The following BABAM2 variants were observed in gnomAD, a reference collection of about 807,000 sequenced individuals.
BABAM2 encodes the protein BRISC and BRCA1-A complex member 2.
A neutral mutation model predicts 54.7 loss-of-function variants in BABAM2; 31 were observed. The observed-to-expected ratio is 0.57, with a 90% confidence interval of 0.43 to 0.77. The LOEUF is 0.77. Ranked by LOEUF, BABAM2 falls within the 30% of genes least tolerant of loss-of-function variation. The pLI, the probability that BABAM2 is intolerant of heterozygous loss-of-function variation, is 0.00. For synonymous variants in BABAM2, 167 were observed against 162.9 expected, an observed-to-expected ratio of 1.03 and a Z score of -0.19; for missense variants, 364 against 455.8, an observed-to-expected ratio of 0.80 and a Z score of 1.83.
chr2:28,235,691 C>T (rs1310135223), intron 7 of BABAM2, among the ~76,000 whole-genome samples: 6 of 151,930 alleles, frequency 3.9e-5, no homozygotes, highest in Admixed American at 3.9e-4. Flanking sequence ...GGGTCTCACT[C>T]TGTCGCCCAG....
At chr2:28,185,780 A>G (rs954762092) in intron 7 of BABAM2, among the ~76,000 whole-genome samples, 1 of 151,906 alleles carries the variant, frequency 6.6e-6, no homozygotes, top group African/African-American at 2.4e-5. Flanking sequence ...AATTAGAGAC[A>G]TTGTTTAATC....
At position 28,161,903 on chromosome 2, in the gene BABAM2, C is replaced by T. The variant is rs1446052893; in HGVS notation, c.680+32523C>T. Among the ~76,000 whole-genome samples, 8 of 152,246 alleles carry T rather than the reference C, an allele frequency of 5.3e-5. No individual in the cohort carries two copies. The East Asian group carries it at 1.5e-3, about 29-fold the overall frequency. ...TTTTATTTAGCACCAGAAATGGACT[C>T]TGATAGATATAGGATGAAACATTTG... On this transcript the variant is annotated intron_variant, in intron 7 of 11. Coordinates refer to ENST00000379624, the MANE Select transcript of BABAM2 (RefSeq NM_199191.3).
In BABAM2 at chr2:28,025,276, G is replaced by A. The variant is rs1266353770; in HGVS notation, c.351G>A (p.Val117=). 2 of 1,609,650 alleles carry A rather than the reference G, an allele frequency of 1.2e-6. No individual in the cohort carries two copies. Among genetic ancestry groups the A allele is most frequent in the South Asian group, 2.2e-5 (2 of 89,740 alleles). ...ATCCTGAATGTCTCTTACTTGTGGT[G>A]AAGGAACTTGTGCAACAATATCACC... is the stretch of plus-strand genomic sequence containing the variant. ...PSNPECLLLV[V]KELVQQYHQF... Residue 117 remains valine (V), a synonymous_variant, in exon 5 of 12, where the codon GTG becomes GTA. Transcript: ENST00000379624.
intron 3 of BABAM2, among the ~76,000 whole-genome samples, chr2:27,968,422 G>A (rs1670976211): frequency 1.3e-5 from 2 of 152,242 alleles, no homozygotes; most frequent in African/African-American, 4.8e-5. Context: ...GTATGGAAAT[G>A]CCTGGATGCC....
At chr2:27,954,743 A>G (rs1340293863) in intron 3 of BABAM2, among the ~76,000 whole-genome samples, 3 of 152,246 alleles carry the variant, frequency 2.0e-5, no homozygotes, top group African/African-American at 7.2e-5. Context: ...TCGAATTAAT[A>G]TTAATGTTAA....
rs548763636 is a variant in BABAM2 at position 27,904,295 on chromosome 2, A to G, written c.128+9611A>G. On this transcript the variant is annotated intron_variant, in intron 2 of 11. Transcript: ENST00000379624. ...GAAATCACAGAAAGCAAAACCATAG[A>G]TAAGGGGGGACTACTATACATCAAA... is the stretch of plus-strand genomic sequence containing the variant. Among the ~76,000 whole-genome samples, 7 of 152,362 alleles carry G rather than the reference A, an allele frequency of 4.6e-5. No individual in the cohort carries two copies. In the South Asian group the frequency reaches 1.0e-3, roughly 23 times the overall value.
At chr2:28,264,839 A>T (rs6707939) in intron 10 of BABAM2, among the ~76,000 whole-genome samples, 94,267 of 152,034 alleles carry the variant, frequency 0.62, 31,530 homozygotes, top group Non-Finnish European at 0.76. Flanking sequence ...TTACCCCAAC[A>T]TCATTCATTG....
At chr2:28,011,970 A>G (rs960798781) in intron 4 of BABAM2, among the ~76,000 whole-genome samples, 3 of 152,190 alleles carry the variant, frequency 2.0e-5, no homozygotes, top group Admixed American at 6.5e-5. Flanking sequence ...AAATCTTTGG[A>G]CGGAATTGGG....
chr2:28,083,835 C>A (rs1339916639), intron 6 of BABAM2, among the ~76,000 whole-genome samples: 3 of 152,042 alleles, frequency 2.0e-5, no homozygotes, highest in Non-Finnish European at 4.4e-5. Context: ...TTGGTCATTT[C>A]GTGATCTGTA....
chr2:27,969,637 G>A (rs1379905052), intron 3 of BABAM2, among the ~76,000 whole-genome samples: 1 of 152,158 alleles, frequency 6.6e-6, no homozygotes, highest in Non-Finnish European at 1.5e-5. Context: ...GAGCTGGATG[G>A]CCACGATTTC....
chr2:28,107,520 A>G (rs1485894051), intron 6 of BABAM2, among the ~76,000 whole-genome samples: 2 of 152,014 alleles, frequency 1.3e-5, no homozygotes, highest in African/African-American at 4.8e-5. Flanking sequence ...GTGCCCTTCT[A>G]CTTCAGTGAC....
At chr2:28,066,198 A>G in intron 6 of BABAM2, among the ~76,000 whole-genome samples, 1 of 150,824 alleles carries the variant, frequency 6.6e-6, no homozygotes, top group South Asian at 2.1e-4. Context: ...ATAAAAAAAT[A>G]AAAAAAACAG....
intron 7 of BABAM2, among the ~76,000 whole-genome samples, chr2:28,176,596 ACC>A (rs1675004855): frequency 6.9e-6 from 1 of 145,934 alleles, no homozygotes; most frequent in African/African-American, 2.5e-5. Flanking sequence ...AAAAAAAAAA[ACC>A]TCACTGAGAT....
Position 27,988,073 on chromosome 2 carries a change from C to G in BABAM2, c.286C>G (p.Pro96Ala), listed in dbSNP as rs140802379. 1.2e-6 allele frequency: 2 copies of G among 1,613,164 alleles called. No homozygotes were observed. Among genetic ancestry groups the G allele is most frequent in the African/African-American group, 2.7e-5 (2 of 74,858 alleles). Residue 96 changes from proline (P) to alanine (A), a missense_variant, in exon 4 of 12, where the codon CCC becomes GCC. Physicochemically the swap from Pro to Ala is conservative, Grantham distance 27. Transcript: ENST00000379624. ...AGAAGATGCTGAATTCCTGCCAGACCCCTCAGCTTTGCAGGTGAGTACTGC... is the reference window on the plus strand; with the variant it reads ...AGAAGATGCTGAATTCCTGCCAGACGCCTCAGCTTTGCAGGTGAGTACTGC... ...FGEDAEFLPD[P>A]SALQNLASWN...
chr2:28,027,749 G>A (rs1230288250), intron 5 of BABAM2, among the ~76,000 whole-genome samples: 1 of 152,102 alleles, frequency 6.6e-6, no homozygotes, highest in Non-Finnish European at 1.5e-5. Flanking sequence ...TGACTTTTAT[G>A]AATAATGCTG....
Position 28,076,897 on chromosome 2 carries a change from G to T in BABAM2, c.570+31098G>T, listed in dbSNP as rs972176539. Reference sequence around the variant, plus strand: ...TGTACCATGCACTCTTTAAGGACAGGCTCCATGCCTTATTCATCTGTATAT... The same window carrying T: ...TGTACCATGCACTCTTTAAGGACAGTCTCCATGCCTTATTCATCTGTATAT... On this transcript the variant is annotated intron_variant, in intron 6 of 11. Coordinates refer to ENST00000379624, the MANE Select transcript of BABAM2 (RefSeq NM_199191.3). Among the ~76,000 whole-genome samples the T allele has an allele frequency of 3.9e-5, 6 of 152,208 alleles. No homozygotes were observed. In the East Asian group the frequency reaches 9.7e-4, roughly 24 times the overall value.
At chr2:28,084,000 A>G (rs971523014) in intron 6 of BABAM2, among the ~76,000 whole-genome samples, 4 of 152,196 alleles carry the variant, frequency 2.6e-5, no homozygotes, top group Non-Finnish European at 4.4e-5. Flanking sequence ...GGTTCTAACC[A>G]TGAATTTGGT....
chr2:28,186,130 G>T (rs1676254003), intron 7 of BABAM2, among the ~76,000 whole-genome samples: 3 of 152,180 alleles, frequency 2.0e-5, no homozygotes, highest in Admixed American at 2.0e-4. Context: ...CAGATTCATG[G>T]TTAATTCCGA....
At chr2:28,062,125 G>A (rs1462639867) in intron 6 of BABAM2, among the ~76,000 whole-genome samples, 2 of 152,086 alleles carry the variant, frequency 1.3e-5, no homozygotes, top group African/African-American at 2.4e-5. Context: ...GGGCATGCTG[G>A]CAGGTGCCTG....
Sources: gnomAD v4.1 joint callset for allele counts (sites outside exome capture counted in the v4.1 genomes callset) on GRCh38, gnomAD v4.1.1 for gene constraint, MANE v1.5 for transcripts, NCBI Gene and HGNC (gene_info 2026-07-23, HGNC 2026-07-21) for gene names.